SORCS3: variants seen among roughly 807,000 people sequenced by gnomAD.
SORCS3 encodes the protein VPS10 domain-containing receptor SorCS3.
SORCS3 carries 57 observed loss-of-function variants against 146.3 expected under a neutral mutation model. The ratio of observed to expected loss-of-function variants is 0.39; its 90% CI spans 0.31 to 0.49. The LOEUF is 0.49. SORCS3 is among the 20% of genes least tolerant of loss of function. The pLI, the probability that SORCS3 is intolerant of heterozygous loss-of-function variation, is 0.92. For synonymous variants in SORCS3, 653 were observed against 618.5 expected, an observed-to-expected ratio of 1.06 and a Z score of -0.83; for missense variants, 1,341 against 1,575.5, an observed-to-expected ratio of 0.85 and a Z score of 2.52.
chr10:104,977,522 T>C, intron 4 of SORCS3, 29 bp downstream of exon 4: 2 of 1,562,274 alleles, frequency 1.3e-6, no homozygotes, highest in Non-Finnish European at 1.7e-6. Flanking sequence ...CATTTACTTC[T>C]TGTCATCCAG....
chr10:104,804,639 G>A (rs1033124545), intron 1 of SORCS3, among the ~76,000 whole-genome samples: 1 of 152,198 alleles, frequency 6.6e-6, no homozygotes, highest in East Asian at 1.9e-4. Context: ...CCTGTTCCAT[G>A]AGCTGAGCTG....
At chr10:104,822,277 C>T (rs1251143869) in intron 1 of SORCS3, among the ~76,000 whole-genome samples, 1 of 152,124 alleles carries the variant, frequency 6.6e-6, no homozygotes, top group African/African-American at 2.4e-5. Context: ...CTGCCGTGTC[C>T]CTTTACCCTT....
intron 1 of SORCS3, among the ~76,000 whole-genome samples, chr10:104,831,786 G>A (rs77346459): frequency 0.011 from 1,614 of 152,260 alleles, 27 homozygotes; most frequent in African/African-American, 0.037. Flanking sequence ...CCTGCACCTT[G>A]CTGGGTCACA....
intron 4 of SORCS3, among the ~76,000 whole-genome samples, chr10:105,013,475 C>T (rs1027056356): frequency 3.9e-5 from 6 of 151,940 alleles, no homozygotes; most frequent in African/African-American, 1.4e-4. Context: ...AAACTGTAGG[C>T]AAATTATTAA....
intron 1 of SORCS3, among the ~76,000 whole-genome samples, chr10:104,658,839 G>C (rs537187947): frequency 9.9e-5 from 15 of 151,322 alleles, no homozygotes; most frequent in African/African-American, 3.6e-4. Context: ...CTTTTTTTTT[G>C]TCTTTTGTTT....
intron 1 of SORCS3, among the ~76,000 whole-genome samples, chr10:104,771,152 T>A (rs984345176): frequency 7.9e-5 from 12 of 152,186 alleles, no homozygotes; most frequent in African/African-American, 2.7e-4. Flanking sequence ...CCCAGCAGTG[T>A]CGGCATCACC....
chr10:104,881,523 T>C (rs1054833561), intron 2 of SORCS3, among the ~76,000 whole-genome samples: 1 of 152,238 alleles, frequency 6.6e-6, no homozygotes, highest in Admixed American at 6.5e-5. Context: ...GCCTACAACA[T>C]GCACAGGGTC....
chr10:104,744,911 T>A (rs2016889572), intron 1 of SORCS3, among the ~76,000 whole-genome samples: 1 of 152,222 alleles, frequency 6.6e-6, no homozygotes, highest in Admixed American at 6.5e-5. Context: ...CGGGCATTAA[T>A]CAATGGCAAA....
chr10:105,008,854 C>T (rs2055114052), intron 4 of SORCS3, among the ~76,000 whole-genome samples: 1 of 152,074 alleles, frequency 6.6e-6, no homozygotes, highest in Non-Finnish European at 1.5e-5. Flanking sequence ...ACCATGTTTC[C>T]CAGGCTGGTC....
chr10:104,741,717 T>TTTTTTTTTTTTTTTTTTTTTTC (rs2016846495), intron 1 of SORCS3, among the ~76,000 whole-genome samples: 1 of 139,350 alleles, frequency 7.2e-6, no homozygotes. Flanking sequence ...TTTTTTTTTT[T>TTTTTTTTTTTTTTTTTTTTTTC]TTTTTTTTTT....
chr10:105,190,937 C>A (rs933720500), intron 14 of SORCS3, among the ~76,000 whole-genome samples: 1 of 152,108 alleles, frequency 6.6e-6, no homozygotes, highest in African/African-American at 2.4e-5. Context: ...AACTCAAAAT[C>A]GTGTTAGATA....
At chr10:104,649,762 C>A (rs1453709799) in intron 1 of SORCS3, among the ~76,000 whole-genome samples, 1 of 152,194 alleles carries the variant, frequency 6.6e-6, no homozygotes, top group African/African-American at 2.4e-5. Context: ...GAATAATATT[C>A]ATTAGATGAT....
chr10:104,789,358 G>A (rs765227480), intron 1 of SORCS3, among the ~76,000 whole-genome samples: 9 of 152,122 alleles, frequency 5.9e-5, no homozygotes, highest in Admixed American at 5.9e-4. Context: ...AAAATTGACC[G>A]GATAGCCAGA....
chr10:105,027,962 C>T (rs1056125216), intron 4 of SORCS3, among the ~76,000 whole-genome samples: 4 of 152,134 alleles, frequency 2.6e-5, no homozygotes, highest in Non-Finnish European at 4.4e-5. Context: ...AAAACAATGT[C>T]GCATATTGAT....
At chr10:104,728,316 G>C (rs1314999682) in intron 1 of SORCS3, among the ~76,000 whole-genome samples, 1 of 152,098 alleles carries the variant, frequency 6.6e-6, no homozygotes, top group Non-Finnish European at 1.5e-5. Context: ...TTGCAGGTCA[G>C]CTTAACCTGT....
At chr10:104,933,428 G>C (rs1407455495) in intron 3 of SORCS3, among the ~76,000 whole-genome samples, 1 of 152,046 alleles carries the variant, frequency 6.6e-6, no homozygotes, top group Non-Finnish European at 1.5e-5. Context: ...GGAGGGAACT[G>C]CTTCCAGAAG....
At chr10:104,872,648 G>T (rs924536282) in intron 2 of SORCS3, among the ~76,000 whole-genome samples, 13 of 151,350 alleles carry the variant, frequency 8.6e-5, no homozygotes, top group African/African-American at 2.9e-4. Context: ...GAAATAGAGG[G>T]TGAATAACAA....
At chr10:105,047,609 A>T (rs947469043) in intron 5 of SORCS3, among the ~76,000 whole-genome samples, 7 of 152,086 alleles carry the variant, frequency 4.6e-5, no homozygotes, top group Non-Finnish European at 7.4e-5. Flanking sequence ...GACATACTAT[A>T]AGTTCTATAT....
At chr10:104,885,519 T>C (rs2018673511) in intron 2 of SORCS3, among the ~76,000 whole-genome samples, 1 of 152,184 alleles carries the variant, frequency 6.6e-6, no homozygotes. Context: ...TTAATTTTGT[T>C]AGGACCGGAA....
Sources: allele counts gnomAD v4.1 joint callset (sites outside exome capture counted in the v4.1 genomes callset), GRCh38; gene constraint gnomAD v4.1.1; transcripts MANE v1.5; gene names NCBI Gene and HGNC (gene_info 2026-07-23, HGNC 2026-07-21).